The following LPP variants were observed in gnomAD, a reference collection of about 807,000 sequenced individuals.
The protein encoded by LPP is lipoma-preferred partner.
LPP carries 38 observed loss-of-function variants against 60.4 expected under a neutral mutation model. The observed-to-expected ratio is 0.63, with a 90% confidence interval of 0.49 to 0.83. LPP has a LOEUF of 0.83. LPP is among the 40% of genes least tolerant of loss of function. The pLI is 0.00. For missense variants in LPP, 902 were observed against 783.6 expected, an observed-to-expected ratio of 1.15 and a Z score of -1.80; for synonymous variants, 328 against 290.8, an observed-to-expected ratio of 1.13 and a Z score of -1.30.
At chr3:188,763,425 T>A (rs1244317953) in intron 9 of LPP, among the ~76,000 whole-genome samples, 1 of 152,150 alleles carries the variant, frequency 6.6e-6, no homozygotes. Context: ...CTATTAAAAT[T>A]AAAAATTTAC....
At chr3:188,334,142 T>C (rs538355849) in intron 2 of LPP, among the ~76,000 whole-genome samples, 7 of 152,346 alleles carry the variant, frequency 4.6e-5, no homozygotes, top group Admixed American at 4.6e-4. Flanking sequence ...TTCTGGCTTA[T>C]TTCACTTAAC....
Position 188,708,642 on chromosome 3 carries a change from G to A in LPP, c.1240+249G>A, listed in dbSNP as rs62290054. On this transcript the variant is annotated intron_variant, in intron 8 of 11. Coordinates refer to ENST00000617246, the MANE Select transcript of LPP (RefSeq NM_001375462.1). ...AGTTTCCTTAGATACAAATTTTATT[G>A]TTGAGACTTATTTTTTACCAGTCTA... The A allele has an allele frequency of 0.063, 35,495 of 560,048 alleles. 1,465 individuals carry two copies. The highest frequency in any genetic ancestry group is 0.083 in the Non-Finnish European group (26,382 of 318,782). 34.7% of individuals were successfully genotyped at this position (560,048 alleles called of 1,614,324 possible). A position where few individuals can be genotyped will look rare whatever the true frequency, so the allele number is the denominator to read the frequency against.
rs531630427 is a variant in LPP, at chr3:188,453,212, C to T, written c.194-31380C>T. 1.1e-4 allele frequency among the ~76,000 whole-genome samples: 17 copies of T among 152,268 alleles called. No homozygotes were observed. In the South Asian group the frequency reaches 1.9e-3, roughly 17 times the overall value. On this transcript the variant is annotated intron_variant, in intron 4 of 11. Transcript: ENST00000617246. Reference sequence around the variant, plus strand: ...TCCCCATCTTTGCCAACCCTGGCATCGTGCCCCCTTGATTCCTTGGCTTTT... The same window carrying T: ...TCCCCATCTTTGCCAACCCTGGCATTGTGCCCCCTTGATTCCTTGGCTTTT...
At chr3:188,593,017 A>G (rs1257400912) in intron 6 of LPP, among the ~76,000 whole-genome samples, 1 of 152,168 alleles carries the variant, frequency 6.6e-6, no homozygotes, top group African/African-American at 2.4e-5. Flanking sequence ...ATAATTCTGT[A>G]TCCTACCATT....
chr3:188,641,704 G>A (rs754870303), intron 7 of LPP, among the ~76,000 whole-genome samples: 2 of 152,164 alleles, frequency 1.3e-5, no homozygotes, highest in Non-Finnish European at 2.9e-5. Context: ...ATCCAGAAGC[G>A]TAACTATTAT....
rs748064763 is a variant in LPP, at chr3:188,518,634, C to T, written c.307-6031C>T. Among the ~76,000 whole-genome samples, 39 of 152,226 alleles carry T rather than the reference C, an allele frequency of 2.6e-4. 1 individual carries two copies. Among genetic ancestry groups the T allele is most frequent in the African/African-American group, 7.5e-4 (31 of 41,544 alleles). ...TAATTGAGCAGTCACATTCAAATTCCGGCTTTTTGAACTCACAATCTATAA... is the reference window on the plus strand; with the variant it reads ...TAATTGAGCAGTCACATTCAAATTCTGGCTTTTTGAACTCACAATCTATAA... On this transcript the variant is annotated intron_variant, in intron 5 of 11. Coordinates refer to ENST00000617246, the MANE Select transcript of LPP (RefSeq NM_001375462.1).
rs1425863587 is a variant in LPP, at chr3:188,609,054, A to G, written c.430-107A>G. ...CCTTATTTGTGTTCTACATAGTAAT[A>G]AATAATAATTAGCAGTTATTAATAT... On this transcript the variant is annotated intron_variant, in intron 6 of 11. Transcript: ENST00000617246. This position sits in a 1 kb window ranked among gnomAD's most constrained non-coding sequence, Gnocchi z 6.9. The G allele has an allele frequency of 3.6e-6, 3 of 838,352 alleles. No homozygotes were observed. The highest frequency in any genetic ancestry group is 1.8e-5 in the South Asian group (1 of 55,316). The allele number at this position is 838,352 out of a possible 1,614,324, so 51.9% of individuals were successfully genotyped here. A position where few individuals can be genotyped will look rare whatever the true frequency, so the allele number is the denominator to read the frequency against.
intron 8 of LPP, among the ~76,000 whole-genome samples, chr3:188,722,733 A>G (rs1238916506): frequency 1.3e-5 from 2 of 152,242 alleles, no homozygotes; most frequent in African/African-American, 2.4e-5. Context: ...CTTATTAAAA[A>G]GATAATTATC....
chr3:188,830,157 G>A (rs1413089242), intron 9 of LPP, among the ~76,000 whole-genome samples: 8 of 151,978 alleles, frequency 5.3e-5, no homozygotes, highest in Non-Finnish European at 1.0e-4. Context: ...GACATTTTAT[G>A]TAATTTCCAT....
chr3:188,714,359 A>G (rs1433899283), intron 8 of LPP, among the ~76,000 whole-genome samples: 1 of 152,144 alleles, frequency 6.6e-6, no homozygotes. Flanking sequence ...TGTCACTGAT[A>G]TGTTTCAACT....
chr3:188,670,901 A>G lies in LPP; in HGVS notation c.1114-37366A>G, dbSNP rs73056786. Among the ~76,000 whole-genome samples the G allele has an allele frequency of 9.3e-3, 1,419 of 152,292 alleles. 29 individuals carry two copies. The highest frequency in any genetic ancestry group is 0.033 in the African/African-American group (1,364 of 41,546). On this transcript the variant is annotated intron_variant, in intron 7 of 11. Transcript: ENST00000617246. The stretch of plus-strand genomic sequence containing the variant: ...TCCTCGTTGCCATCCTAAGACTTCC[A>G]TCATTTTCTTCCATTGTCTTTCTGA...
intron 9 of LPP, among the ~76,000 whole-genome samples, chr3:188,837,700 T>C (rs1384858007): frequency 6.6e-6 from 1 of 152,186 alleles, no homozygotes. Flanking sequence ...TGAACCTTGC[T>C]TTCCAGAATC....
At chr3:188,187,998 G>A (rs1727093487) in intron 1 of LPP, among the ~76,000 whole-genome samples, 1 of 152,036 alleles carries the variant, frequency 6.6e-6, no homozygotes, top group African/African-American at 2.4e-5. Context: ...CTGAGTGGAT[G>A]TACTATTTTT....
chr3:188,550,799 T>C lies in LPP; in HGVS notation c.429+26012T>C, dbSNP rs115817845. On this transcript the variant is annotated intron_variant, in intron 6 of 11. Transcript: ENST00000617246. ...GGTTTAAAAAGGTTGCAGCCCTTAT[T>C]TCTAGAATGTATTCAATGGTATCTG... Among the ~76,000 whole-genome samples the C allele has an allele frequency of 4.4e-3, 670 of 152,184 alleles. 6 individuals are homozygous for C. Among genetic ancestry groups the C allele is most frequent in the African/African-American group, 0.012 (489 of 41,522 alleles).
At chr3:188,474,679 G>A (rs1185651864) in intron 4 of LPP, among the ~76,000 whole-genome samples, 1 of 152,180 alleles carries the variant, frequency 6.6e-6, no homozygotes, top group Non-Finnish European at 1.5e-5. Flanking sequence ...AAGACTTTTT[G>A]TTGTTGTTTT....
intron 6 of LPP, among the ~76,000 whole-genome samples, chr3:188,594,324 A>G (rs1442889345): frequency 2.6e-5 from 4 of 152,202 alleles, no homozygotes; most frequent in Non-Finnish European, 5.9e-5. Context: ...TCAGCAGTTC[A>G]GAGTGGAATG....
intron 3 of LPP, among the ~76,000 whole-genome samples, chr3:188,380,654 G>A (rs990898303): frequency 9.2e-5 from 14 of 152,148 alleles, no homozygotes; most frequent in African/African-American, 3.1e-4. Flanking sequence ...GAGATTACAT[G>A]GTTCAAATGT....
chr3:188,169,738 T>C (rs999699678), intron 1 of LPP, among the ~76,000 whole-genome samples: 1 of 152,070 alleles, frequency 6.6e-6, no homozygotes, highest in Non-Finnish European at 1.5e-5. Context: ...CTGGGTTCAG[T>C]GATGTAATAT....
intron 8 of LPP, among the ~76,000 whole-genome samples, chr3:188,755,809 C>CAAAAAAAAAAAAAAAA (rs58696911): frequency 4.1e-5 from 3 of 73,992 alleles, no homozygotes; most frequent in Non-Finnish European, 8.2e-5. Context: ...GATCCTGTCA[C>CAAAAAAAAAAAAAAAA]AAAAAAAAAA....
Sources: gnomAD v4.1 joint callset for allele counts (sites outside exome capture counted in the v4.1 genomes callset) on GRCh38, gnomAD v4.1.1 for gene constraint, Gnocchi (gnomAD v3.1) non-coding constraint, MANE v1.5 for transcripts, NCBI Gene and HGNC (gene_info 2026-07-23, HGNC 2026-07-21) for gene names.